FBXL18: variants seen among roughly 807,000 people sequenced by gnomAD.
FBXL18 encodes the protein F-box and leucine rich repeat protein 18.
A neutral mutation model predicts 46.0 loss-of-function variants in FBXL18; 36 were observed. The ratio of observed to expected loss-of-function variants is 0.78; its 90% confidence interval spans 0.60 to 1.03. The LOEUF (loss-of-function observed/expected upper bound fraction) is 1.03. Among genes scored for constraint, FBXL18 ranks in the 50% least tolerant of loss-of-function variants. The pLI, the probability that FBXL18 is intolerant of heterozygous loss-of-function variation, is 0.00. For missense variants in FBXL18, 977 were observed against 1,004.1 expected, an observed-to-expected ratio of 0.97 and a Z score of 0.36; for synonymous variants, 557 against 465.3, an observed-to-expected ratio of 1.20 and a Z score of -2.54.
chr7:5,498,581 G>T (rs10250338), intron 3 of FBXL18, among the ~76,000 whole-genome samples: 140,846 of 152,176 alleles, frequency 0.93, 65,260 homozygotes, highest in African/African-American at 0.97. Flanking sequence ...TCTTTTCTTT[G>T]CTTTTCTTTT....
chr7:5,511,767 CAA>C (rs111884772), intron 1 of FBXL18, among the ~76,000 whole-genome samples: 80 of 128,726 alleles, frequency 6.2e-4, no homozygotes, highest in Middle Eastern at 4.1e-3. Flanking sequence ...GACTCCATCT[CAA>C]AAAAAAAAAA....
At chr7:5,490,313 C>A in intron 4 of FBXL18, 1 of 1,154,008 alleles carries the variant, frequency 8.7e-7, no homozygotes, top group Non-Finnish European at 1.1e-6. Context: ...GTCAGCCCGT[C>A]CTCCTGAGAG....
chr7:5,473,042 A>G (rs918724608), downstream of FBXL18, among the ~76,000 whole-genome samples: 1 of 152,032 alleles, frequency 6.6e-6, no homozygotes, highest in Non-Finnish European at 1.5e-5. Context: ...TCGGCAGCAC[A>G]GAGTATCAGC....
rs1784091297 is a variant in FBXL18, at chr7:5,496,767, T to C, written c.1781+3721A>G. Among the ~76,000 whole-genome samples the C allele has an allele frequency of 6.6e-6, 1 of 152,182 alleles. No individual in the cohort carries two copies. On this transcript the variant is annotated intron_variant, in intron 3 of 4. Transcript: ENST00000382368. This position sits in a 1 kb window ranked among gnomAD's most constrained non-coding sequence, Gnocchi z 4.8. Reference sequence around the variant, plus strand: ...GCGGCCGGGCACAGTGGCTTACGCCTGTAATCCCACCACTTTGGGAGGCCG... The same window carrying C: ...GCGGCCGGGCACAGTGGCTTACGCCCGTAATCCCACCACTTTGGGAGGCCG...
rs143172313 is a variant in FBXL18 at position 5,481,405 on chromosome 7, G to A, written c.*370C>T. The A allele has an allele frequency of 1.8e-3, 342 of 186,018 alleles. No homozygotes were observed. The highest frequency in any genetic ancestry group is 5.1e-3 in the Middle Eastern group (2 of 394). 11.5% of individuals were successfully genotyped at this position (186,018 alleles called of 1,614,324 possible). On this transcript the variant is annotated 3_prime_UTR_variant, in exon 5 of 5. Transcript: ENST00000382368. ...CACAAACACAACAGCCAAGGGACACGCTTCCCGGTCGGAAGTGGCAGGGGG... is the reference window on the plus strand; with the variant it reads ...CACAAACACAACAGCCAAGGGACACACTTCCCGGTCGGAAGTGGCAGGGGG...
chr7:5,474,420 T>C (rs1480510166), downstream of FBXL18, among the ~76,000 whole-genome samples: 1 of 151,424 alleles, frequency 6.6e-6, no homozygotes, highest in African/African-American at 2.4e-5. Flanking sequence ...GCGATCCTTC[T>C]GCCTCAGCCT....
chr7:5,461,813 C>A (rs6978243), intron 4 of FBXL18, among the ~76,000 whole-genome samples: 1 of 151,926 alleles, frequency 6.6e-6, no homozygotes, highest in Non-Finnish European at 1.5e-5. Flanking sequence ...TGATGGCGGG[C>A]GCCTGTAGTC....
At chr7:5,499,275 T>C (rs1232748331) in intron 3 of FBXL18, among the ~76,000 whole-genome samples, 1 of 150,470 alleles carries the variant, frequency 6.6e-6, no homozygotes, top group Non-Finnish European at 1.5e-5. Context: ...TTGCCCACCT[T>C]CCTTGTCTGC....
intron 4 of FBXL18, among the ~76,000 whole-genome samples, chr7:5,469,932 G>A (rs2128231979): frequency 6.6e-6 from 1 of 152,188 alleles, no homozygotes; most frequent in Non-Finnish European, 1.5e-5. Context: ...AATGCGGAGT[G>A]TGCGAGTAAA....
Position 5,501,861 on chromosome 7 carries a change from G to A in FBXL18, c.408C>T (p.Leu136=). The change falls in exon 3 of 5, where the codon CTC becomes CTT. Residue 136 remains leucine (L), a synonymous_variant. Transcript: ENST00000382368. ...GCTGCAGGGCCGAGAGCATCTTGGA[G>A]AGGCGCAGGGAAGTGAGGTGGCAGC... ...LSGCHLTSLR[L]SKMLSALQHL... 1 of 1,602,138 alleles carries A rather than the reference G, an allele frequency of 6.2e-7. No individual in the cohort carries two copies. Among genetic ancestry groups the A allele is most frequent in the African/African-American group, 1.3e-5 (1 of 74,988 alleles).
intron 1 of FBXL18, among the ~76,000 whole-genome samples, chr7:5,506,456 T>C (rs1464734925): frequency 6.6e-6 from 1 of 151,420 alleles, no homozygotes; most frequent in African/African-American, 2.4e-5. Context: ...GGTTTCACCA[T>C]GTTGGCCAAT....
At chr7:5,493,421 G>T (rs1000458279) in intron 3 of FBXL18, among the ~76,000 whole-genome samples, 1 of 150,574 alleles carries the variant, frequency 6.6e-6, no homozygotes, top group African/African-American at 2.4e-5. Context: ...TCAGCCTCCC[G>T]AGTAGCTGGG....
At chr7:5,509,861 TC>T (rs1413865920) in intron 1 of FBXL18, among the ~76,000 whole-genome samples, 1 of 151,710 alleles carries the variant, frequency 6.6e-6, no homozygotes, top group Non-Finnish European at 1.5e-5. Context: ...CCACCCCCAC[TC>T]TCCATCTCCG....
At chr7:5,486,083 A>C (rs1256786078) in intron 4 of FBXL18, among the ~76,000 whole-genome samples, 1 of 149,236 alleles carries the variant, frequency 6.7e-6, no homozygotes, top group Admixed American at 6.7e-5. Context: ...ATAAATAAAT[A>C]AATAAATAAA....
At chr7:5,474,044 G>C (rs1258055861), downstream of FBXL18, among the ~76,000 whole-genome samples, 1 of 152,068 alleles carries the variant, frequency 6.6e-6, no homozygotes, top group East Asian at 1.9e-4. Flanking sequence ...TGATCCACCA[G>C]CCTTGGCCTC....
rs1436701173 is a variant in FBXL18, at chr7:5,489,817, A to G, written c.2000+1414T>C. The G allele has an allele frequency of 9.3e-5, 33 of 354,608 alleles. No homozygotes were observed. In the Admixed American group the frequency reaches 1.3e-3, roughly 14 times the overall value. The allele number at this position is 354,608 out of a possible 1,614,324, so 22.0% of individuals were successfully genotyped here. Reference sequence around the variant, plus strand: ...AGAAAAATACAAAAATTAGCCAGGTATAGTGGTGCACACTTGTAATCCCAG... The same window carrying G: ...AGAAAAATACAAAAATTAGCCAGGTGTAGTGGTGCACACTTGTAATCCCAG... On this transcript the variant is annotated intron_variant, in intron 4 of 4. Coordinates refer to ENST00000382368, the MANE Select transcript of FBXL18 (RefSeq NM_024963.6).
chr7:5,512,996 C>T (rs1784578888), intron 1 of FBXL18, among the ~76,000 whole-genome samples: 1 of 152,138 alleles, frequency 6.6e-6, no homozygotes, highest in South Asian at 2.1e-4. Context: ...AACCCAGGTG[C>T]CCATACAGAT....
chr7:5,495,275 C>T (rs1406387834), intron 3 of FBXL18, among the ~76,000 whole-genome samples: 2 of 152,146 alleles, frequency 1.3e-5, no homozygotes, highest in East Asian at 1.9e-4. Flanking sequence ...CTGCACGGGC[C>T]GTGAGAGCAG....
At position 5,501,229 on chromosome 7, in the gene FBXL18, C is replaced by G. The variant is rs757986982; in HGVS notation, c.1040G>C (p.Ser347Thr). 5.6e-6 allele frequency: 9 copies of G among 1,613,260 alleles called. No individual in the cohort carries two copies. In the East Asian group the frequency reaches 1.3e-4, roughly 24 times the overall value. Residue 347 changes from serine (S) to threonine (T), a missense_variant, in exon 3 of 5, where the codon AGC becomes ACC. Transcript: ENST00000382368. ...NGGKDLRSLA[S>T]LNLSGCVHCL... ...GTGGACGCAGCCGCTGAGGTTCAAG[C>G]TGGCCAGGCTCCGCAGGTCCTTCCC...
Sources: allele counts gnomAD v4.1 joint callset (sites outside exome capture counted in the v4.1 genomes callset), GRCh38; gene constraint gnomAD v4.1.1; non-coding constraint Gnocchi (gnomAD v3.1); transcripts MANE v1.5; gene names NCBI Gene and HGNC (gene_info 2026-07-23, HGNC 2026-07-21).